Variants in SETD3 observed in about 807,000 individuals in gnomAD.
SETD3 encodes SET domain containing 3, actin N3(tau)-histidine methyltransferase, also known as actin-histidine N-methyltransferase.
Under a neutral mutation model 63.0 loss-of-function variants are expected in SETD3, and 19 were observed. That is an observed-to-expected ratio of 0.30 (90% CI 0.21 to 0.44). SETD3 has a LOEUF of 0.44. Ranked by LOEUF, SETD3 falls within the 20% of genes least tolerant of loss-of-function variation. The probability of loss-of-function intolerance (pLI) is 1.00; values close to 1 mark genes in which losing one functional copy is unlikely to be tolerated. For synonymous variants in SETD3, 286 were observed against 264.1 expected, an observed-to-expected ratio of 1.08 and a Z score of -0.80; for missense variants, 587 against 728.5, an observed-to-expected ratio of 0.81 and a Z score of 2.24.
Position 99,398,347 on chromosome 14 carries a change from A to G in SETD3, c.*332T>C. ...TGGTCATCAAGATGACAGGCCCACA[A>G]AAGTACAGCTGAGACGGGAACTGAA... is the stretch of plus-strand genomic sequence containing the variant. On this transcript the variant is annotated 3_prime_UTR_variant, in exon 13 of 13. Transcript: ENST00000331768. 1 of 209,272 alleles carries G rather than the reference A, an allele frequency of 4.8e-6. No individual in the cohort carries two copies. Among genetic ancestry groups the G allele is most frequent in the Non-Finnish European group, 9.7e-6 (1 of 103,552 alleles). 13.0% of individuals were successfully genotyped at this position (209,272 alleles called of 1,614,324 possible).
At chr14:99,467,659 C>T (rs537463548) in intron 1 of SETD3, among the ~76,000 whole-genome samples, 2 of 152,326 alleles carry the variant, frequency 1.3e-5, no homozygotes, top group East Asian at 3.9e-4. Flanking sequence ...TAGCTGGCCT[C>T]TCCCTTCAGC....
intron 6 of SETD3, among the ~76,000 whole-genome samples, chr14:99,441,834 T>C (rs1193928426): frequency 6.6e-6 from 1 of 152,182 alleles, no homozygotes; most frequent in African/African-American, 2.4e-5. Flanking sequence ...TGGACTACTA[T>C]TTATATTCCA....
chr14:99,480,802 A>AGGAGGTGGC lies in SETD3; in HGVS notation c.-84_-83insGCCACCTCC, dbSNP rs1555365277. 1.2e-5 allele frequency: 2 copies of AGGAGGTGGC among 161,824 alleles called. No homozygotes were observed. Among genetic ancestry groups the AGGAGGTGGC allele is most frequent in the African/African-American group, 4.8e-5 (2 of 41,238 alleles). 10.0% of individuals were successfully genotyped at this position (161,824 alleles called of 1,614,324 possible). A position where few individuals can be genotyped will look rare whatever the true frequency, so the allele number is the denominator to read the frequency against. Reference sequence around the variant, plus strand: ...CCGCCGTCCGCCTCAACCAACCCCCAGGCGGTGGCGGCGGTGGCGGCGGCG... The same window carrying AGGAGGTGGC: ...CCGCCGTCCGCCTCAACCAACCCCCAGGAGGTGGCGGCGGTGGCGGCGGTGGCGGCGGCG... On this transcript the variant is annotated 5_prime_UTR_variant, in exon 1 of 13. Transcript: ENST00000331768.
intron 6 of SETD3, among the ~76,000 whole-genome samples, chr14:99,426,400 T>C (rs1463139586): frequency 6.6e-6 from 1 of 152,202 alleles, no homozygotes. Context: ...GATCTTCCTG[T>C]CTGCTGGATG....
intron 6 of SETD3, among the ~76,000 whole-genome samples, chr14:99,453,614 C>G (rs1402764524): frequency 6.6e-6 from 1 of 152,108 alleles, no homozygotes; most frequent in Non-Finnish European, 1.5e-5. Context: ...CACCAGAGAT[C>G]AGGAGTTCGA....
intron 6 of SETD3, among the ~76,000 whole-genome samples, chr14:99,423,475 T>C (rs1246220192): frequency 6.6e-6 from 1 of 151,386 alleles, no homozygotes; most frequent in African/African-American, 2.4e-5. Flanking sequence ...CCTGAGAGGT[T>C]TGTTATTAAG....
At chr14:99,405,912 T>A (rs1239107902) in intron 9 of SETD3, among the ~76,000 whole-genome samples, 2 of 152,246 alleles carry the variant, frequency 1.3e-5, no homozygotes, top group Non-Finnish European at 2.9e-5. Context: ...GCTAGGCAAG[T>A]ATTTTTCATT....
At chr14:99,421,887 A>G (rs183678687) in intron 6 of SETD3, among the ~76,000 whole-genome samples, 20 of 152,314 alleles carry the variant, frequency 1.3e-4, no homozygotes, top group African/African-American at 4.8e-4. Context: ...ACTTTTATAA[A>G]TAGTCTTATA....
chr14:99,404,893 T>C (rs891723404), intron 10 of SETD3, among the ~76,000 whole-genome samples: 3 of 152,172 alleles, frequency 2.0e-5, no homozygotes, highest in Non-Finnish European at 2.9e-5. Context: ...ATGAAACAAA[T>C]TGATCCAGGC....
intron 6 of SETD3, among the ~76,000 whole-genome samples, chr14:99,438,669 T>C (rs1893623439): frequency 6.6e-6 from 1 of 152,244 alleles, no homozygotes; most frequent in South Asian, 2.1e-4. Flanking sequence ...AGTAGTCTTA[T>C]GGCCTCCAAA....
chr14:99,480,002 G>C (rs1311269819), intron 1 of SETD3, among the ~76,000 whole-genome samples: 1 of 152,176 alleles, frequency 6.6e-6, no homozygotes, highest in Non-Finnish European at 1.5e-5. Flanking sequence ...CCACGAGGAG[G>C]AAGAGTTAAC....
At chr14:99,481,221 C>G (rs954598108), upstream of SETD3, 23 of 394,032 alleles carry the variant, frequency 5.8e-5, no homozygotes, top group African/African-American at 4.5e-4. Context: ...CGGGATGGGC[C>G]CTGTGGCTGG....
chr14:99,472,077 TTAAAC>T (rs1895733903), intron 1 of SETD3, among the ~76,000 whole-genome samples: 1 of 152,212 alleles, frequency 6.6e-6, no homozygotes, highest in South Asian at 2.1e-4. Context: ...GCAAGCTTGA[TTAAAC>T]TAAGCTGCAC....
chr14:99,407,676 T>TA (rs1488031696), intron 8 of SETD3, among the ~76,000 whole-genome samples: 27 of 152,154 alleles, frequency 1.8e-4, no homozygotes, highest in African/African-American at 6.3e-4. Context: ...TGCCTGACAC[T>TA]ACCTTCTACT....
intron 1 of SETD3, among the ~76,000 whole-genome samples, chr14:99,471,926 G>A (rs1305000829): frequency 1.3e-5 from 2 of 152,114 alleles, no homozygotes; most frequent in African/African-American, 2.4e-5. Flanking sequence ...ACTGAGGCCG[G>A]CAGTGACCAC....
At chr14:99,406,245 A>C (rs1416673406) in intron 9 of SETD3, among the ~76,000 whole-genome samples, 2 of 152,194 alleles carry the variant, frequency 1.3e-5, no homozygotes, top group African/African-American at 4.8e-5. Context: ...TGTTACAAAT[A>C]TTTACAAATA....
chr14:99,469,909 A>T (rs1895606522), intron 1 of SETD3, among the ~76,000 whole-genome samples: 1 of 152,250 alleles, frequency 6.6e-6, no homozygotes, highest in South Asian at 2.1e-4. Context: ...CCACATTTCA[A>T]CTTCTATTAC....
At chr14:99,436,727 C>T (rs932750840) in intron 6 of SETD3, among the ~76,000 whole-genome samples, 5 of 152,230 alleles carry the variant, frequency 3.3e-5, no homozygotes, top group African/African-American at 1.2e-4. Flanking sequence ...AAATCTAGCA[C>T]TGTGCTGAAA....
At chr14:99,406,358 A>G (rs776244217) in intron 9 of SETD3, among the ~76,000 whole-genome samples, 158 bp downstream of exon 9, 1 of 152,250 alleles carries the variant, frequency 6.6e-6, no homozygotes, top group Non-Finnish European at 1.5e-5. Flanking sequence ...TATGTGTACT[A>G]CGGGTTCTGG....
Sources: allele counts gnomAD v4.1 joint callset (sites outside exome capture counted in the v4.1 genomes callset), GRCh38; gene constraint gnomAD v4.1.1; transcripts MANE v1.5; gene names NCBI Gene and HGNC (gene_info 2026-07-23, HGNC 2026-07-21).